Variants in ROBO2 observed in about 807,000 individuals in gnomAD.
ROBO2 encodes the protein roundabout homolog 2.
Under a neutral mutation model 160.8 loss-of-function variants are expected in ROBO2, and 53 were observed. That is an observed-to-expected ratio of 0.33 (90% CI 0.26 to 0.41). The LOEUF (loss-of-function observed/expected upper bound fraction) is 0.41, where lower values mean the gene tolerates loss of function less well. Ranked by LOEUF, ROBO2 falls within the 10% of genes least tolerant of loss-of-function variation. ROBO2 has a pLI of 1.00. For synonymous variants in ROBO2, 664 were observed against 611.7 expected (o/e 1.09, Z -1.26); for missense variants, 1,577 against 1,722.4 (o/e 0.92, Z 1.49).
intron 2 of ROBO2, among the ~76,000 whole-genome samples, chr3:76,538,151 T>TCA (rs3223397): frequency 0.16 from 24,075 of 146,196 alleles, 2,414 homozygotes; most frequent in African/African-American, 0.3. Flanking sequence ...CTGACAGAAC[T>TCA]CACACACACA....
Position 76,759,451 on chromosome 3 carries a change from T to C in ROBO2, c.110-338563T>C, listed in dbSNP as rs560276067. 2.0e-5 allele frequency among the ~76,000 whole-genome samples: 3 copies of C among 151,904 alleles called. No individual in the cohort carries two copies. In the South Asian group the frequency reaches 6.2e-4, roughly 31 times the overall value. The stretch of plus-strand genomic sequence containing the variant: ...ATTACAATGATGTGGATTTTTTTAG[T>C]GTACCTAAAAATTTTGAGGGTGCTA... On this transcript the variant is annotated intron_variant, in intron 2 of 26. Transcript: ENST00000487694.
upstream of ROBO2, among the ~76,000 whole-genome samples, chr3:77,038,502 CG>C (rs1160704770): frequency 1.3e-5 from 2 of 152,136 alleles, no homozygotes; most frequent in Non-Finnish European, 2.9e-5. Flanking sequence ...AGCACCAAAA[CG>C]TATCCACCAA....
At chr3:77,173,296 AT>A (rs1260501505) in intron 2 of ROBO2, among the ~76,000 whole-genome samples, 1 of 152,120 alleles carries the variant, frequency 6.6e-6, no homozygotes, top group African/African-American at 2.4e-5. Context: ...TCAAATATTT[AT>A]TTTTAAAGGC....
chr3:76,983,754 C>G (rs1038744574), intron 2 of ROBO2, among the ~76,000 whole-genome samples: 6 of 152,274 alleles, frequency 3.9e-5, no homozygotes, highest in Admixed American at 3.3e-4. Flanking sequence ...AGATAAGGTA[C>G]GTCCTCCCAC....
intron 2 of ROBO2, among the ~76,000 whole-genome samples, chr3:76,580,539 A>T (rs1302190313): frequency 6.6e-6 from 1 of 151,770 alleles, no homozygotes; most frequent in African/African-American, 2.4e-5. Context: ...TGTTGTAAAA[A>T]CATGATATTC....
At chr3:77,590,396 T>A (rs2094151475) in intron 17 of ROBO2, among the ~76,000 whole-genome samples, 1 of 151,994 alleles carries the variant, frequency 6.6e-6, no homozygotes, top group South Asian at 2.1e-4. Flanking sequence ...AGTGTCAGAG[T>A]CTGGAAAATT....
chr3:77,412,413 G>A (rs77345424), intron 2 of ROBO2, among the ~76,000 whole-genome samples: 3,158 of 152,334 alleles, frequency 0.021, 119 homozygotes, highest in African/African-American at 0.072. Context: ...CATGGCATAT[G>A]CTTCATGATG....
At chr3:77,401,908 C>T (rs1468776065) in intron 2 of ROBO2, among the ~76,000 whole-genome samples, 1 of 152,118 alleles carries the variant, frequency 6.6e-6, no homozygotes, top group Non-Finnish European at 1.5e-5. Flanking sequence ...TCCTGTTTCT[C>T]CACAATCCTC....
Position 76,283,567 on chromosome 3 carries a change from A to G in ROBO2, c.109+345965A>G, listed in dbSNP as rs148117918. Among the ~76,000 whole-genome samples the G allele has an allele frequency of 2.3e-3, 346 of 152,106 alleles. 1 individual carries two copies. Among genetic ancestry groups the G allele is most frequent in the African/African-American group, 7.7e-3 (320 of 41,542 alleles). On this transcript the variant is annotated intron_variant, in intron 2 of 26. Transcript: ENST00000487694. ...ACTTATCTAGCAATATAGAATAGCT[A>G]TCCTTGAGAAGCTTTTAAAAGAGTG...
At chr3:77,042,291 A>C (rs1334980984) in intron 1 of ROBO2, among the ~76,000 whole-genome samples, 1 of 152,246 alleles carries the variant, frequency 6.6e-6, no homozygotes, top group Non-Finnish European at 1.5e-5. Flanking sequence ...TTTTCAGTAC[A>C]TTAAAATACG....
At chr3:76,468,830 T>C (rs2078497529) in intron 2 of ROBO2, among the ~76,000 whole-genome samples, 1 of 152,098 alleles carries the variant, frequency 6.6e-6, no homozygotes, top group Non-Finnish European at 1.5e-5. Flanking sequence ...ACCTTTTTTC[T>C]CACCATTCGC....
intron 2 of ROBO2, among the ~76,000 whole-genome samples, chr3:76,356,840 A>G (rs2075200648): frequency 6.6e-6 from 1 of 151,918 alleles, no homozygotes; most frequent in African/African-American, 2.4e-5. Flanking sequence ...AACGTTGACC[A>G]AGATAGATGA....
intron 2 of ROBO2, among the ~76,000 whole-genome samples, chr3:75,991,231 A>G (rs2065558420): frequency 6.6e-6 from 1 of 152,158 alleles, no homozygotes; most frequent in Admixed American, 6.5e-5. Flanking sequence ...TAGTACAGTG[A>G]TTATAATAAG....
chr3:77,591,310 T>C (rs2153685153), intron 17 of ROBO2, among the ~76,000 whole-genome samples: 1 of 152,248 alleles, frequency 6.6e-6, no homozygotes, highest in East Asian at 1.9e-4. Context: ...CCTGCAACAG[T>C]AAAGTTTCTA....
chr3:76,014,528 A>C (rs200808252), intron 2 of ROBO2, among the ~76,000 whole-genome samples: 44 of 57,652 alleles, frequency 7.6e-4, no homozygotes, highest in African/African-American at 3.0e-3. Flanking sequence ...GCAATTGGTG[A>C]CTGGGCACGA....
intron 2 of ROBO2, among the ~76,000 whole-genome samples, chr3:77,407,723 A>T (rs2076367289): frequency 6.6e-6 from 1 of 152,198 alleles, no homozygotes; most frequent in African/African-American, 2.4e-5. Flanking sequence ...CTATGTTCGC[A>T]GTTTTAAAAA....
intron 2 of ROBO2, among the ~76,000 whole-genome samples, chr3:76,811,818 C>CTTCCTTCCTTCTTTCCTTCT (rs2065193717): frequency 2.9e-5 from 2 of 69,252 alleles, no homozygotes; most frequent in African/African-American, 9.9e-5. Context: ...TCCTTCCTTC[C>CTTCCTTCCTTCTTTCCTTCT]TTCCTTCCTT....
At chr3:76,039,604 G>A (rs1292625295) in intron 2 of ROBO2, among the ~76,000 whole-genome samples, 3 of 151,962 alleles carry the variant, frequency 2.0e-5, no homozygotes, top group Non-Finnish European at 4.4e-5. Context: ...CTCTGTTGGG[G>A]AATACTTCCT....
intron 2 of ROBO2, among the ~76,000 whole-genome samples, chr3:77,126,169 A>G (rs1464331724): frequency 6.6e-6 from 1 of 152,254 alleles, no homozygotes; most frequent in Non-Finnish European, 1.5e-5. Flanking sequence ...ACAGATGCAG[A>G]GTAACCTCAT....
Sources: gnomAD v4.1 joint callset for allele counts (sites outside exome capture counted in the v4.1 genomes callset) on GRCh38, gnomAD v4.1.1 for gene constraint, MANE v1.5 for transcripts, NCBI Gene and HGNC (gene_info 2026-07-23, HGNC 2026-07-21) for gene names.